Variants in LNP1 observed in about 807,000 individuals in gnomAD.
LNP1 encodes the protein leukemia NUP98 fusion partner 1.
LNP1 carries 12 observed loss-of-function variants against 14.5 expected under a neutral mutation model. That is an observed-to-expected ratio of 0.83 (90% CI 0.53 to 1.34). LNP1 has a LOEUF of 1.34. Among genes scored for constraint, LNP1 ranks in the 40% most tolerant of loss-of-function variants. The pLI is 0.00. For synonymous variants in LNP1, 75 were observed against 71.4 expected (o/e 1.05, Z -0.26); for missense variants, 198 against 210.9 (o/e 0.94, Z 0.38).
At chr3:100,408,428 T>G (rs995459595) in intron 1 of LNP1, among the ~76,000 whole-genome samples, 37 of 152,228 alleles carry the variant, frequency 2.4e-4, no homozygotes, top group Non-Finnish European at 3.8e-4. Context: ...CTGCTGAGGC[T>G]GGTGCAGCAC....
At chr3:100,410,783 A>C (rs922954089) in intron 1 of LNP1, among the ~76,000 whole-genome samples, 3 of 152,332 alleles carry the variant, frequency 2.0e-5, no homozygotes, top group East Asian at 3.9e-4. Flanking sequence ...CCATAGAGCT[A>C]TTTGGCTCTG....
At chr3:100,436,133 G>A (rs553841776) in intron 2 of LNP1, among the ~76,000 whole-genome samples, 71 of 152,222 alleles carry the variant, frequency 4.7e-4, no homozygotes, top group African/African-American at 1.5e-3. Context: ...ACCTTGTGGC[G>A]GTCAGAATAT....
At chr3:100,451,237 T>G (rs1428014746) in intron 2 of LNP1, among the ~76,000 whole-genome samples, 1 of 152,140 alleles carries the variant, frequency 6.6e-6, no homozygotes, top group Non-Finnish European at 1.5e-5. Context: ...CCAAATGTAG[T>G]CAGAGCACAG....
chr3:100,409,172 A>T (rs1423516411), intron 1 of LNP1, among the ~76,000 whole-genome samples: 2 of 152,016 alleles, frequency 1.3e-5, no homozygotes, highest in Non-Finnish European at 2.9e-5. Flanking sequence ...ATAAGAGGGA[A>T]CTCCTCCTCC....
At chr3:100,427,392 G>T (rs776018630) in intron 1 of LNP1, among the ~76,000 whole-genome samples, 48 of 152,112 alleles carry the variant, frequency 3.2e-4, no homozygotes, top group Non-Finnish European at 5.9e-4. Context: ...GGAATCTAAT[G>T]AACCAATTGT....
intron 1 of LNP1, among the ~76,000 whole-genome samples, chr3:100,414,721 GAGT>G: frequency 6.6e-6 from 1 of 152,280 alleles, no homozygotes; most frequent in East Asian, 1.9e-4. Context: ...TAGGAGCTTA[GAGT>G]CATCCCTGGC....
chr3:100,404,086 C>T (rs1415303841), intron 1 of LNP1, among the ~76,000 whole-genome samples: 1 of 152,192 alleles, frequency 6.6e-6, no homozygotes, highest in East Asian at 1.9e-4. Flanking sequence ...GAATTGTCTA[C>T]ATCTGTTACT....
intron 2 of LNP1, among the ~76,000 whole-genome samples, chr3:100,443,230 AAATACAG>A (rs1282537780): frequency 2.0e-5 from 3 of 152,240 alleles, no homozygotes; most frequent in Non-Finnish European, 4.4e-5. Flanking sequence ...GGAGCCAAGA[AAATACAG>A]AATTCGGTCC....
intron 1 of LNP1, among the ~76,000 whole-genome samples, chr3:100,404,003 T>C (rs972055555): frequency 3.3e-5 from 5 of 152,242 alleles, no homozygotes; most frequent in African/African-American, 9.6e-5. Context: ...CATGTACATA[T>C]AGAACAGCTC....
At chr3:100,450,621 G>A (rs1707428830) in intron 2 of LNP1, among the ~76,000 whole-genome samples, 1 of 152,146 alleles carries the variant, frequency 6.6e-6, no homozygotes, top group Non-Finnish European at 1.5e-5. Context: ...ACAGGCATGA[G>A]CCACCACGCC....
intron 2 of LNP1, among the ~76,000 whole-genome samples, chr3:100,434,516 C>G (rs921758288): frequency 6.8e-6 from 1 of 147,750 alleles, no homozygotes; most frequent in African/African-American, 2.5e-5. Context: ...GTGATGCCTC[C>G]TTTTTTTTTT....
intron 2 of LNP1, among the ~76,000 whole-genome samples, chr3:100,434,045 G>C (rs1294156328): frequency 6.6e-6 from 1 of 152,114 alleles, no homozygotes; most frequent in African/African-American, 2.4e-5. Context: ...AGTTTCTTTT[G>C]CTGTGCAGAA....
At chr3:100,448,533 G>T (rs1325792022) in intron 2 of LNP1, among the ~76,000 whole-genome samples, 1 of 151,874 alleles carries the variant, frequency 6.6e-6, no homozygotes, top group African/African-American at 2.4e-5. Context: ...TATTTGGCAG[G>T]GATAAGCATA....
chr3:100,438,966 C>T (rs1297256520), intron 2 of LNP1, among the ~76,000 whole-genome samples: 1 of 151,950 alleles, frequency 6.6e-6, no homozygotes, highest in African/African-American at 2.4e-5. Flanking sequence ...AAATAGAGCT[C>T]GCATAGCAAG....
intron 1 of LNP1, among the ~76,000 whole-genome samples, chr3:100,421,807 T>C (rs1707145772): frequency 6.6e-6 from 1 of 152,234 alleles, no homozygotes; most frequent in South Asian, 2.1e-4. Context: ...TAACATGTGA[T>C]ATTTGATCCT....
intron 1 of LNP1, among the ~76,000 whole-genome samples, chr3:100,409,658 C>T (rs935315113): frequency 2.0e-5 from 3 of 147,122 alleles, no homozygotes; most frequent in Admixed American, 6.9e-5. Flanking sequence ...AGTGCAGTGG[C>T]GTGATCTCGG....
At chr3:100,410,888 G>A (rs772215933) in intron 1 of LNP1, among the ~76,000 whole-genome samples, 1 of 152,184 alleles carries the variant, frequency 6.6e-6, no homozygotes, top group African/African-American at 2.4e-5. Context: ...CCAGGGAGTA[G>A]GTCTGAATCC....
At chr3:100,432,669 A>G (rs72943205) in intron 2 of LNP1, among the ~76,000 whole-genome samples, 3,389 of 152,330 alleles carry the variant, frequency 0.022, 118 homozygotes, top group African/African-American at 0.077. Context: ...GTCTCTCATT[A>G]TTAAACTGAC....
chr3:100,406,776 G>A (rs1200962272), intron 1 of LNP1, among the ~76,000 whole-genome samples: 3 of 151,958 alleles, frequency 2.0e-5, no homozygotes, highest in African/African-American at 4.8e-5. Context: ...CTCATGATCC[G>A]CCTGCCTCAG....
Sources: gnomAD v4.1 joint callset for allele counts (sites outside exome capture counted in the v4.1 genomes callset) on GRCh38, gnomAD v4.1.1 for gene constraint, MANE v1.5 for transcripts, NCBI Gene and HGNC (gene_info 2026-07-23, HGNC 2026-07-21) for gene names.